VPS13B: variants seen among roughly 807,000 people sequenced by gnomAD.
VPS13B encodes intermembrane lipid transfer protein VPS13B.
VPS13B carries 285 observed loss-of-function variants against 426.4 expected under a neutral mutation model. The ratio of observed to expected loss-of-function variants is 0.67; its 90% CI spans 0.61 to 0.74. The LOEUF (loss-of-function observed/expected upper bound fraction) is 0.74. Ranked by LOEUF, VPS13B falls within the 30% of genes least tolerant of loss-of-function variation. VPS13B has a pLI of 0.00. For missense variants in VPS13B, 4,537 were observed against 4,782.6 expected, an observed-to-expected ratio of 0.95 and a Z score of 1.51; for synonymous variants, 1,676 against 1,676.4, an observed-to-expected ratio of 1.00 and a Z score of 0.01.
At chr8:99,781,645 C>T (rs911073708) in intron 42 of VPS13B, among the ~76,000 whole-genome samples, 1 of 152,060 alleles carries the variant, frequency 6.6e-6, no homozygotes, top group African/African-American at 2.4e-5. Flanking sequence ...GTAAACAACC[C>T]CCTTGTGTTC....
intron 25 of VPS13B, among the ~76,000 whole-genome samples, chr8:99,496,822 C>G (rs921651388): frequency 6.6e-6 from 1 of 151,876 alleles, no homozygotes; most frequent in Non-Finnish European, 1.5e-5. Context: ...TTTTGGATCT[C>G]TGGGTTTTCA....
At position 99,147,996 on chromosome 8, in the gene VPS13B, A is replaced by G. The variant is rs1229885871; in HGVS notation, c.1999A>G (p.Ile667Val). The change falls in exon 14 of 62, where the codon ATT becomes GTT. Residue 667 changes from isoleucine (I) to valine (V), a missense_variant. Coordinates refer to ENST00000357162, the MANE Select transcript of VPS13B (RefSeq NM_152564.5). ...FNLLDHLLPV[I>V]MGEKNSSNFM... ...CTTGCTGGACCATTTACTACCTGTC[A>G]TTATGGGAGAAAAGGTATATTTTGT... The G allele has an allele frequency of 8.1e-6, 13 of 1,612,514 alleles. No homozygotes were observed. Among genetic ancestry groups the G allele is most frequent in the East Asian group, 4.5e-5 (2 of 44,806 alleles).
intron 19 of VPS13B, among the ~76,000 whole-genome samples, chr8:99,336,574 C>T (rs1810885855): frequency 6.6e-6 from 1 of 151,996 alleles, no homozygotes; most frequent in Non-Finnish European, 1.5e-5. Context: ...AGAGTGCAGG[C>T]AACCTACAAA....
rs1811880902 is a variant in VPS13B, at chr8:99,779,011, G to A, written c.7759G>A (p.Ala2587Thr). The stretch of plus-strand genomic sequence containing the variant: ...GCATGTAGTCCATTCACTAAACACT[G>A]CAATACAAGCTTGGCAACAGGTATG... ...GQHVVHSLNT[A>T]IQAWQQNKCP... Residue 2587 changes from alanine to threonine, a missense_variant, in exon 42 of 62, where the codon GCA becomes ACA. Physicochemically the swap from Ala to Thr is moderately conservative, Grantham distance 58 (BLOSUM62 0). Around this residue, in one of 2 missense-constraint regions of VPS13B, gnomAD observed 4,311 missense variants for 4,474.3 expected, o/e 0.96. Coordinates refer to ENST00000357162, the MANE Select transcript of VPS13B (RefSeq NM_152564.5). 6.2e-7 allele frequency: 1 copy of A among 1,613,390 alleles called. No homozygotes were observed. The highest frequency in any genetic ancestry group is 8.5e-7 in the Non-Finnish European group (1 of 1,179,798).
chr8:99,334,120 T>G (rs1810692118), intron 19 of VPS13B, among the ~76,000 whole-genome samples: 1 of 152,016 alleles, frequency 6.6e-6, no homozygotes, highest in African/African-American at 2.4e-5. Flanking sequence ...GTTGTATGTT[T>G]AACTTTATAA....
intron 17 of VPS13B, among the ~76,000 whole-genome samples, chr8:99,232,608 C>T (rs1023729607): frequency 1.3e-5 from 2 of 152,218 alleles, no homozygotes; most frequent in Non-Finnish European, 1.5e-5. Context: ...AGGCACCCTG[C>T]GTAACCCGCA....
intron 33 of VPS13B, among the ~76,000 whole-genome samples, chr8:99,602,143 A>G (rs1464942417): frequency 1.3e-5 from 2 of 152,308 alleles, no homozygotes; most frequent in East Asian, 3.9e-4. Flanking sequence ...TCTAAAATTT[A>G]AGTCTTTAAT....
At chr8:99,109,360 A>C (rs1847232881) in intron 5 of VPS13B, among the ~76,000 whole-genome samples, 1 of 151,558 alleles carries the variant, frequency 6.6e-6, no homozygotes, top group South Asian at 2.1e-4. Context: ...TATCCTTGAA[A>C]TTTGAATACT....
intron 23 of VPS13B, among the ~76,000 whole-genome samples, chr8:99,455,307 A>C (rs1818396409): frequency 6.6e-6 from 1 of 152,144 alleles, no homozygotes; most frequent in Non-Finnish European, 1.5e-5. Context: ...GGTAATTTAT[A>C]AAGAAAAGAG....
intron 44 of VPS13B, among the ~76,000 whole-genome samples, chr8:99,811,990 C>A (rs940725847): frequency 1.3e-5 from 2 of 152,094 alleles, no homozygotes; most frequent in African/African-American, 4.8e-5. Context: ...GTGACTCATT[C>A]TTGAATAGAT....
At chr8:99,337,059 C>T (rs1810929896) in intron 19 of VPS13B, among the ~76,000 whole-genome samples, 2 of 152,244 alleles carry the variant, frequency 1.3e-5, no homozygotes, top group Non-Finnish European at 2.9e-5. Context: ...GAGACACATG[C>T]ACACGTATGT....
intron 25 of VPS13B, among the ~76,000 whole-genome samples, chr8:99,496,195 A>AT (rs1314659257): frequency 6.6e-6 from 1 of 152,204 alleles, no homozygotes; most frequent in Non-Finnish European, 1.5e-5. Context: ...AAAACTTTAT[A>AT]TTTTATGAAG....
chr8:99,381,990 G>C (rs957256405), intron 19 of VPS13B, among the ~76,000 whole-genome samples: 1 of 151,886 alleles, frequency 6.6e-6, no homozygotes, highest in Non-Finnish European at 1.5e-5. Flanking sequence ...GATCCATCTT[G>C]GGTTGATTTT....
At chr8:99,098,858 T>C (rs1846577244) in intron 4 of VPS13B, among the ~76,000 whole-genome samples, 1 of 152,144 alleles carries the variant, frequency 6.6e-6, no homozygotes, top group African/African-American at 2.4e-5. Flanking sequence ...TTTCTTTTTA[T>C]ACTTTTTTGT....
At chr8:99,372,749 AGT>A (rs1813262302) in intron 19 of VPS13B, among the ~76,000 whole-genome samples, 1 of 152,256 alleles carries the variant, frequency 6.6e-6, no homozygotes, top group Non-Finnish European at 1.5e-5. Context: ...CATGGACGAC[AGT>A]GTGGCAATTC....
intron 3 of VPS13B, among the ~76,000 whole-genome samples, chr8:99,076,222 T>C (rs1845113534): frequency 6.6e-6 from 1 of 152,220 alleles, no homozygotes; most frequent in African/African-American, 2.4e-5. Context: ...TGAGAACATA[T>C]TTGACATGAT....
chr8:99,580,984 A>AACAC (rs34074519), intron 33 of VPS13B, among the ~76,000 whole-genome samples: 21,196 of 126,500 alleles, frequency 0.17, 1,920 homozygotes, highest in South Asian at 0.22. Flanking sequence ...ATCTCTACAA[A>AACAC]ACACACACAC....
chr8:99,835,849 C>G (rs1017904729), intron 54 of VPS13B, 111 bp downstream of exon 54: 2 of 1,115,304 alleles, frequency 1.8e-6, no homozygotes, highest in Non-Finnish European at 2.6e-6. Flanking sequence ...CATCTTTTCT[C>G]TGTGTGAGAG....
At chr8:99,653,810 C>A (rs1425264540) in intron 34 of VPS13B, among the ~76,000 whole-genome samples, 1 of 152,068 alleles carries the variant, frequency 6.6e-6, no homozygotes, top group African/African-American at 2.4e-5. Context: ...CTATGGACTG[C>A]AGACCTGGGG....
Sources: allele counts gnomAD v4.1 joint callset (sites outside exome capture counted in the v4.1 genomes callset), GRCh38; gene constraint gnomAD v4.1.1; regional missense constraint gnomAD v4.1.1; transcripts MANE v1.5; gene names NCBI Gene and HGNC (gene_info 2026-07-23, HGNC 2026-07-21).